CELSR1: variants seen among roughly 807,000 people sequenced by gnomAD.
The protein encoded by CELSR1 is adhesion G protein-coupled receptor C1.
A neutral mutation model predicts 249.1 loss-of-function variants in CELSR1; 110 were observed. The observed-to-expected ratio is 0.44, with a 90% confidence interval of 0.38 to 0.52. The LOEUF (loss-of-function observed/expected upper bound fraction) is 0.52, where lower values mean the gene tolerates loss of function less well. CELSR1 is among the 20% of genes least tolerant of loss of function. The probability of loss-of-function intolerance (pLI) is 0.00; values close to 1 mark genes in which losing one functional copy is unlikely to be tolerated. For missense variants in CELSR1, 4,109 were observed against 4,296.4 expected, an observed-to-expected ratio of 0.96 and a Z score of 1.22; for synonymous variants, 2,113 against 1,900.0, an observed-to-expected ratio of 1.11 and a Z score of -2.92.
At chr22:46,521,087 T>C (rs953509588) in intron 1 of CELSR1, among the ~76,000 whole-genome samples, 2 of 152,240 alleles carry the variant, frequency 1.3e-5, no homozygotes, top group Admixed American at 6.5e-5. Context: ...TAGTATTCCA[T>C]CATGCAACTG....
intron 5 of CELSR1, among the ~76,000 whole-genome samples, chr22:46,414,831 G>A (rs926731869): frequency 5.9e-5 from 9 of 152,234 alleles, no homozygotes; most frequent in African/African-American, 1.7e-4. Flanking sequence ...CAGTTCATGA[G>A]TGTTGACGGC....
At chr22:46,501,849 G>A (rs558628550) in intron 1 of CELSR1, among the ~76,000 whole-genome samples, 1 of 152,276 alleles carries the variant, frequency 6.6e-6, no homozygotes, top group South Asian at 2.1e-4. Flanking sequence ...TCCTTGTCTT[G>A]AAGAGAAAAC....
chr22:46,384,814 G>C (rs1321040353), intron 19 of CELSR1, 128 bp from the exon 20 acceptor site: 9 of 1,032,038 alleles, frequency 8.7e-6, no homozygotes, highest in Non-Finnish European at 1.2e-5. Context: ...TTTTGAGGTG[G>C]AGTCTCGCAG....
At chr22:46,456,484 C>T (rs2079951825) in intron 2 of CELSR1, among the ~76,000 whole-genome samples, 1 of 151,792 alleles carries the variant, frequency 6.6e-6, no homozygotes. Flanking sequence ...AAGGTGACAC[C>T]CCGTCTCTAC....
intron 23 of CELSR1, among the ~76,000 whole-genome samples, 200 bp downstream of exon 23, chr22:46,378,391 C>T (rs543227760): frequency 4.3e-4 from 65 of 152,150 alleles, no homozygotes; most frequent in Non-Finnish European, 7.8e-4. Flanking sequence ...GGCCAATCCT[C>T]GAATATGTGT....
intron 20 of CELSR1, 144 bp downstream of exon 20, chr22:46,384,399 C>T: frequency 1.1e-6 from 1 of 942,872 alleles, no homozygotes; most frequent in Non-Finnish European, 1.5e-6. Flanking sequence ...CTGCTGTCAC[C>T]AACAGGACCT....
intron 5 of CELSR1, among the ~76,000 whole-genome samples, chr22:46,421,801 G>A (rs1438205068): frequency 6.6e-6 from 1 of 152,202 alleles, no homozygotes; most frequent in South Asian, 2.1e-4. Context: ...CTTAGCAGAG[G>A]CCCCACTAGT....
chr22:46,386,629 G>A (rs753143597), intron 18 of CELSR1, 44 bp from the exon 19 acceptor site: 1 of 1,487,094 alleles, frequency 6.7e-7, no homozygotes, highest in South Asian at 1.3e-5. Context: ...GCGGAGGCCT[G>A]GCTCGTGGGA....
rs768086105 is a variant in CELSR1 at position 46,527,377 on chromosome 22, C to T, written c.3544+6250G>A. On this transcript the variant is annotated intron_variant, in intron 1 of 34. Coordinates refer to ENST00000674500, the MANE Select transcript of CELSR1 (RefSeq NM_001378328.1). This position sits in a 1 kb window ranked among gnomAD's most constrained non-coding sequence, Gnocchi z 5.5. ...CTTGCCTAAATCCTCCCGAGGGGGC[C>T]CACCAAACCCTCCACAGTCAGCCCT... Among the ~76,000 whole-genome samples the T allele has an allele frequency of 2.6e-5, 4 of 152,162 alleles. No individual in the cohort carries two copies. Among genetic ancestry groups the T allele is most frequent in the Non-Finnish European group, 4.4e-5 (3 of 68,020 alleles).
intron 26 of CELSR1, 37 bp from the exon 27 acceptor site, chr22:46,369,295 C>G (rs370371950): frequency 1.9e-3 from 190 of 98,712 alleles, no homozygotes; most frequent in Non-Finnish European, 3.5e-3. Flanking sequence ...TCTTCTCTCT[C>G]GTCACTGCAG....
Position 46,364,650 on chromosome 22 carries a change from G to C in CELSR1, c.8641C>G (p.Arg2881Gly), listed in dbSNP as rs376694390. The C allele has an allele frequency of 6.2e-7, 1 of 1,612,678 alleles. No individual in the cohort carries two copies. The change falls in exon 33 of 35, where the codon CGC (arginine) becomes GGC (glycine). Residue 2881 changes from arginine to glycine, a missense_variant. This residue lies in a region of CELSR1 where 1,805 missense variants were observed against 1,831.6 expected (regional missense o/e 0.99). Transcript: ENST00000674500. ...CTGACCTTGGTCTCCACCTTCAGGC[G>C]GGGCTTGCCGCTGGGGTCCTCACTG... Reference protein sequence around the residue: ...SDSEDPSGKPRLKVETKVSVE... With the variant: ...SDSEDPSGKPGLKVETKVSVE...
chr22:46,409,267 T>C lies in CELSR1; in HGVS notation c.5060-105A>G. The C allele has an allele frequency of 8.1e-7, 1 of 1,235,386 alleles. No homozygotes were observed. The highest frequency in any genetic ancestry group is 1.1e-6 in the Non-Finnish European group (1 of 889,468). 76.5% of individuals were successfully genotyped at this position (1,235,386 alleles called of 1,614,324 possible). A position where few individuals can be genotyped will look rare whatever the true frequency, so the allele number is the denominator to read the frequency against. ...GCCTGCAGGCTAGGCCTGGGCCTTTTTCACTTTAACACGAAGGTGGGTCTG... is the reference window on the plus strand; with the variant it reads ...GCCTGCAGGCTAGGCCTGGGCCTTTCTCACTTTAACACGAAGGTGGGTCTG... On this transcript the variant is annotated intron_variant, in intron 8 of 34. Transcript: ENST00000674500. The surrounding 1 kb of genome is among the most constrained non-coding windows in gnomAD (Gnocchi z 9.8).
At chr22:46,508,323 A>C in intron 1 of CELSR1, among the ~76,000 whole-genome samples, 1 of 59,424 alleles carries the variant, frequency 1.7e-5, no homozygotes, top group South Asian at 5.1e-4. Context: ...CCCGGGAGGA[A>C]GGTGAGGGTG....
chr22:46,466,516 C>T lies in CELSR1; in HGVS notation c.3545-2171G>A, dbSNP rs116888000. Among the ~76,000 whole-genome samples the T allele has an allele frequency of 7.1e-3, 1,082 of 152,310 alleles. 8 individuals carry two copies. Among genetic ancestry groups the T allele is most frequent in the Non-Finnish European group, 0.012 (812 of 68,026 alleles). ...GCCCCAGACCCCAGATGTGACCCAC[C>T]GGGCTGCTGAGACTCAAGCCACCCC... is the stretch of plus-strand genomic sequence containing the variant. On this transcript the variant is annotated intron_variant, in intron 1 of 34. Transcript: ENST00000674500.
In CELSR1 at chr22:46,382,030, C is replaced by A; in HGVS notation, c.6904G>T (p.Ala2302Ser). Reference protein sequence around the residue: ...EEKEGPLLRPAGRRTTPQTTR... With the variant: ...EEKEGPLLRPSGRRTTPQTTR... Reference sequence around the variant, plus strand: ...GTCTGCGGGGTGGTCCTCCGGCCAGCCGGCCTCAGCAGGGGGCCTTCTGCA... The same window carrying A: ...GTCTGCGGGGTGGTCCTCCGGCCAGACGGCCTCAGCAGGGGGCCTTCTGCA... Residue 2302 changes from alanine to serine, a missense_variant, in exon 21 of 35, where the codon GCT becomes TCT. By Grantham distance (99) the Ala-to-Ser change is moderately conservative. Transcript: ENST00000674500. 1 of 1,545,880 alleles carries A rather than the reference C, an allele frequency of 6.5e-7. No individual in the cohort carries two copies. Among genetic ancestry groups the A allele is most frequent in the Non-Finnish European group, 8.7e-7 (1 of 1,145,590 alleles).
intron 24 of CELSR1, among the ~76,000 whole-genome samples, chr22:46,373,721 T>C (rs187312069): frequency 7.3e-6 from 1 of 137,316 alleles, no homozygotes; most frequent in Non-Finnish European, 1.6e-5. Flanking sequence ...ATGGGGGAGA[T>C]GGGAGCAATG....
rs976327606 is a variant in CELSR1 at position 46,408,583 on chromosome 22, C to G, written c.5226+413G>C. 1.3e-5 allele frequency among the ~76,000 whole-genome samples: 2 copies of G among 152,224 alleles called. No individual in the cohort carries two copies. Among genetic ancestry groups the G allele is most frequent in the African/African-American group, 4.8e-5 (2 of 41,448 alleles). On this transcript the variant is annotated intron_variant, in intron 9 of 34. Coordinates refer to ENST00000674500, the MANE Select transcript of CELSR1 (RefSeq NM_001378328.1). The surrounding 1 kb of genome is among the most constrained non-coding windows in gnomAD (Gnocchi z 4.6). Reference sequence around the variant, plus strand: ...CTTCTGACCTCAGGTGATCCGCCGGCCTCCGCCACCCAAAGTGTTGGGATT... The same window carrying G: ...CTTCTGACCTCAGGTGATCCGCCGGGCTCCGCCACCCAAAGTGTTGGGATT...
chr22:46,507,964 G>C (rs1250712688), intron 1 of CELSR1, among the ~76,000 whole-genome samples: 1 of 152,172 alleles, frequency 6.6e-6, no homozygotes, highest in Admixed American at 6.5e-5. Flanking sequence ...CTGTTCCCAG[G>C]CCGTAGGCTC....
chr22:46,457,342 T>G (rs1046447698), intron 2 of CELSR1, among the ~76,000 whole-genome samples: 1 of 151,416 alleles, frequency 6.6e-6, no homozygotes, highest in African/African-American at 2.4e-5. Flanking sequence ...AAGACTCATC[T>G]CGGGGGCGGG....
Sources: gnomAD v4.1 joint callset for allele counts (sites outside exome capture counted in the v4.1 genomes callset) on GRCh38, gnomAD v4.1.1 for gene constraint, gnomAD v4.1.1 regional missense constraint, Gnocchi (gnomAD v3.1) non-coding constraint, MANE v1.5 for transcripts, NCBI Gene and HGNC (gene_info 2026-07-23, HGNC 2026-07-21) for gene names.